The following TRAPPC11 variants were observed in gnomAD, a reference collection of about 807,000 sequenced individuals.
TRAPPC11 encodes the protein trafficking protein particle complex subunit 11, also known as foie gras homolog.
A neutral mutation model predicts 151.2 loss-of-function variants in TRAPPC11; 104 were observed. The observed-to-expected ratio is 0.69, with a 90% CI of 0.59 to 0.81. TRAPPC11 has a LOEUF of 0.81. TRAPPC11 is among the 30% of genes least tolerant of loss of function. TRAPPC11 has a pLI of 0.00. For missense variants in TRAPPC11, 1,230 were observed against 1,349.6 expected (o/e 0.91, Z 1.39); for synonymous variants, 456 against 472.3 (o/e 0.97, Z 0.45).
chr4:183,703,853 G>T (rs1736915682), intron 26 of TRAPPC11, among the ~76,000 whole-genome samples: 1 of 152,154 alleles, frequency 6.6e-6, no homozygotes, highest in African/African-American at 2.4e-5. Context: ...TGTTACTTCA[G>T]CTCCATAAAT....
At chr4:183,683,410 C>G (rs763878583) in intron 11 of TRAPPC11, among the ~76,000 whole-genome samples, 1 of 152,052 alleles carries the variant, frequency 6.6e-6, no homozygotes, top group Non-Finnish European at 1.5e-5. Flanking sequence ...CCTGTAATCC[C>G]AGCGCTTTGG....
chr4:183,709,063 A>G (rs1436194422), intron 29 of TRAPPC11, among the ~76,000 whole-genome samples: 1 of 152,024 alleles, frequency 6.6e-6, no homozygotes, highest in Non-Finnish European at 1.5e-5. Flanking sequence ...AGTGTGTAAG[A>G]GTGAATTGGA....
rs1043717053 is a variant in TRAPPC11, at chr4:183,692,967, C to T, written c.2057C>T (p.Ser686Leu). 1.9e-6 allele frequency: 3 copies of T among 1,602,654 alleles called. No individual in the cohort carries two copies. Among genetic ancestry groups the T allele is most frequent in the Non-Finnish European group, 2.6e-6 (3 of 1,174,610 alleles). ...EDVGKKIEIT[S>L]VDLALGNETG... ...CCTTTTTTTTCTTTTTAGATTACTTCAGTGGATCTTGCTCTGGGCAATGAG... is the reference window on the plus strand; with the variant it reads ...CCTTTTTTTTCTTTTTAGATTACTTTAGTGGATCTTGCTCTGGGCAATGAG... Residue 686 changes from serine to leucine, a missense_variant, in exon 20 of 30, where the codon TCA becomes TTA. Physicochemically the swap from Ser to Leu is moderately radical, Grantham distance 145. Transcript: ENST00000334690.
At chr4:183,690,783 C>G (rs903953671) in intron 18 of TRAPPC11, among the ~76,000 whole-genome samples, 1 of 152,044 alleles carries the variant, frequency 6.6e-6, no homozygotes, top group Non-Finnish European at 1.5e-5. Context: ...GCTTGGGCAA[C>G]GTAGTGAGAC....
chr4:183,672,826 A>G (rs1177827472), intron 5 of TRAPPC11, among the ~76,000 whole-genome samples: 1 of 152,346 alleles, frequency 6.6e-6, no homozygotes, highest in Non-Finnish European at 1.5e-5. Context: ...AATCTAGATT[A>G]ATAATACTGA....
rs2111115162 is a variant in TRAPPC11, at chr4:183,713,015, A to G, written c.*371A>G. ...GCAGATGCACCAGTGCCTGTGCCATAAAGTTCCGAATCCCCCATGTGTCTC... is the reference window on the plus strand; with the variant it reads ...GCAGATGCACCAGTGCCTGTGCCATGAAGTTCCGAATCCCCCATGTGTCTC... On this transcript the variant is annotated 3_prime_UTR_variant, in exon 30 of 30. Transcript: ENST00000334690. 1 of 210,476 alleles carries G rather than the reference A, an allele frequency of 4.8e-6. No homozygotes were observed. Among genetic ancestry groups the G allele is most frequent in the African/African-American group, 2.3e-5 (1 of 43,302 alleles). The allele number at this position is 210,476 out of a possible 1,614,324, so 13.0% of individuals were successfully genotyped here.
chr4:183,685,686 A>T (rs1735930667), intron 17 of TRAPPC11, among the ~76,000 whole-genome samples: 2 of 152,304 alleles, frequency 1.3e-5, no homozygotes, highest in South Asian at 2.1e-4. Context: ...CTGTCTAGGT[A>T]GGTATTTTGA....
At position 183,668,066 on chromosome 4, in the gene TRAPPC11, A is replaced by G. The variant is rs773121927; in HGVS notation, c.509A>G (p.Lys170Arg). The change falls in exon 5 of 30, where the codon AAG (lysine) becomes AGG (arginine). Residue 170 changes from lysine (K) to arginine (R), a missense_variant. Coordinates refer to ENST00000334690, the MANE Select transcript of TRAPPC11 (RefSeq NM_021942.6). ...TGCAATGCATGTGAACTCTCAGGAA[A>G]GTCTTTGTTTGTACTGCCGCACACT... ...ALCNACELSG[K>R]SLFVLPHTDH... 1.2e-6 allele frequency: 2 copies of G among 1,613,872 alleles called. No individual in the cohort carries two copies. The highest frequency in any genetic ancestry group is 1.3e-5 in the African/African-American group (1 of 74,936).
chr4:183,685,159 G>T lies in TRAPPC11; in HGVS notation c.1629+14G>T, dbSNP rs751014910. On this transcript the variant is annotated intron_variant, in intron 16 of 29. Coordinates refer to ENST00000334690, the MANE Select transcript of TRAPPC11 (RefSeq NM_021942.6). ...AATGTTTTAATGGTAGGTTGGAATT[G>T]TTTATATAGAGTGTGTTATTAGGAA... The T allele has an allele frequency of 6.2e-7, 1 of 1,613,422 alleles. No homozygotes were observed. Among genetic ancestry groups the T allele is most frequent in the East Asian group, 2.2e-5 (1 of 44,852 alleles).
chr4:183,683,056 A>G (rs976858441), intron 11 of TRAPPC11, among the ~76,000 whole-genome samples: 2 of 152,066 alleles, frequency 1.3e-5, no homozygotes, highest in Non-Finnish European at 1.5e-5. Flanking sequence ...GTGGTGGCAC[A>G]TGCCTGTAGT....
intron 27 of TRAPPC11, among the ~76,000 whole-genome samples, chr4:183,706,471 C>T (rs563612416): frequency 2.7e-5 from 4 of 150,902 alleles, no homozygotes; most frequent in East Asian, 3.9e-4. Context: ...TGCAGTGAGC[C>T]GAGATAGCAC....
chr4:183,664,157 A>C (rs766104338), intron 2 of TRAPPC11, 86 bp downstream of exon 2: 7 of 1,234,340 alleles, frequency 5.7e-6, no homozygotes, highest in East Asian at 2.3e-5. Flanking sequence ...GTGTGTGTGG[A>C]GTTTATCAAG....
chr4:183,684,097 A>C (rs1735839152), intron 12 of TRAPPC11, 43 bp downstream of exon 12: 1 of 1,606,706 alleles, frequency 6.2e-7, no homozygotes, highest in African/African-American at 1.3e-5. Flanking sequence ...ACACTATTTA[A>C]GAAAAATATT....
At chr4:183,667,255 T>G in intron 4 of TRAPPC11, 125 bp downstream of exon 4, 1 of 665,782 alleles carries the variant, frequency 1.5e-6, no homozygotes, top group Non-Finnish European at 2.6e-6. Context: ...GTATGTTAAC[T>G]TTAAAAAGCA....
chr4:183,682,876 T>C (rs1735770835), intron 11 of TRAPPC11, 51 bp downstream of exon 11: 3 of 1,201,770 alleles, frequency 2.5e-6, no homozygotes, highest in African/African-American at 1.5e-5. Flanking sequence ...AAGGCAACAA[T>C]AGCTATAATA....
chr4:183,686,483 G>C, intron 17 of TRAPPC11, 135 bp from the exon 18 acceptor site: 1 of 917,006 alleles, frequency 1.1e-6, no homozygotes, highest in Non-Finnish European at 1.6e-6. Flanking sequence ...GTCTCTTGAA[G>C]TGCCTTAAGT....
intron 17 of TRAPPC11, 127 bp downstream of exon 17, chr4:183,685,530 AC>A: frequency 8.9e-7 from 1 of 1,127,926 alleles, no homozygotes; most frequent in South Asian, 1.9e-5. Flanking sequence ...TTATAGATAA[AC>A]TGATTTTTTT....
chr4:183,703,994 G>A (rs952691031), intron 26 of TRAPPC11, among the ~76,000 whole-genome samples: 2 of 152,194 alleles, frequency 1.3e-5, no homozygotes, highest in South Asian at 2.1e-4. Context: ...TCCTCAGTGA[G>A]TTAAGGAATT....
In TRAPPC11 at chr4:183,692,940, A is replaced by G. The variant is rs1736327483; in HGVS notation, c.2050-20A>G. On this transcript the variant is annotated intron_variant, in intron 19 of 29. Coordinates refer to ENST00000334690, the MANE Select transcript of TRAPPC11 (RefSeq NM_021942.6). ...GCACATATGAGATGACATTTCCAAC[A>G]TCCTTTTTTTTCTTTTTAGATTACT... 1.9e-6 allele frequency: 3 copies of G among 1,586,020 alleles called. No individual in the cohort carries two copies. Among genetic ancestry groups the G allele is most frequent in the Middle Eastern group, 1.8e-4 (1 of 5,698 alleles).
Sources: gnomAD v4.1 joint callset for allele counts (sites outside exome capture counted in the v4.1 genomes callset) on GRCh38, gnomAD v4.1.1 for gene constraint, MANE v1.5 for transcripts, NCBI Gene and HGNC (gene_info 2026-07-23, HGNC 2026-07-21) for gene names.